Variants in FAM120A observed in about 807,000 individuals in gnomAD.
The protein encoded by FAM120A is family with sequence similarity 120 member A, also known as constitutive coactivator of PPAR-gamma-like protein 1.
Under a neutral mutation model 109.7 loss-of-function variants are expected in FAM120A, and 15 were observed. The ratio of observed to expected loss-of-function variants is 0.14; its 90% CI spans 0.09 to 0.21. The LOEUF (loss-of-function observed/expected upper bound fraction) is 0.21. Among genes scored for constraint, FAM120A ranks in the 10% least tolerant of loss-of-function variants. The pLI is 1.00. For missense variants in FAM120A, 899 were observed against 1,439.3 expected, an observed-to-expected ratio of 0.62 and a Z score of 6.07; for synonymous variants, 493 against 572.8, an observed-to-expected ratio of 0.86 and a Z score of 1.99.
chr9:93,521,252 G>GAAAATAGGC (rs1860833579), intron 7 of FAM120A, among the ~76,000 whole-genome samples: 1 of 152,202 alleles, frequency 6.6e-6, no homozygotes, highest in Admixed American at 6.5e-5. Flanking sequence ...TCCCTTGGAA[G>GAAAATAGGC]AAAATAGGCT....
At chr9:93,473,483 G>A (rs983086390) in intron 2 of FAM120A, among the ~76,000 whole-genome samples, 1 of 151,320 alleles carries the variant, frequency 6.6e-6, no homozygotes, top group African/African-American at 2.4e-5. Context: ...AGTTTTTTGT[G>A]TGTTTTTGGT....
intron 5 of FAM120A, among the ~76,000 whole-genome samples, chr9:93,505,108 T>G (rs1859983920): frequency 7.5e-6 from 1 of 133,334 alleles, no homozygotes; most frequent in African/African-American, 2.9e-5. Context: ...TCACCCAGGC[T>G]GGAGTGCAGT....
At chr9:93,559,437 C>T (rs1365885701) in intron 15 of FAM120A, among the ~76,000 whole-genome samples, 1 of 152,240 alleles carries the variant, frequency 6.6e-6, no homozygotes, top group African/African-American at 2.4e-5. Flanking sequence ...GCAAGCCTTT[C>T]TCTCTTGATC....
At chr9:93,509,832 C>G (rs1300713329) in intron 5 of FAM120A, among the ~76,000 whole-genome samples, 8 of 152,138 alleles carry the variant, frequency 5.3e-5, no homozygotes, top group African/African-American at 1.9e-4. Context: ...AAAAGAGATG[C>G]TTCAGGCTTT....
chr9:93,514,620 A>G (rs1860484153), intron 5 of FAM120A, among the ~76,000 whole-genome samples: 1 of 152,088 alleles, frequency 6.6e-6, no homozygotes, highest in Admixed American at 6.5e-5. Context: ...AGCTTGACAC[A>G]TCATAGGCCC....
chr9:93,452,677 G>A lies in FAM120A; in HGVS notation c.474+288G>A. The A allele has an allele frequency of 6.3e-7, 1 of 1,598,806 alleles. No individual in the cohort carries two copies. The highest frequency in any genetic ancestry group is 8.5e-7 in the Non-Finnish European group (1 of 1,179,914). The stretch of plus-strand genomic sequence containing the variant: ...CGGACCAGAATTCGGAGGCGACAGT[G>A]TCATCATCCCCAATATCCTTAGTTT... On this transcript the variant is annotated intron_variant, in intron 1 of 17. Transcript: ENST00000277165. This position sits in a 1 kb window ranked among gnomAD's most constrained non-coding sequence, Gnocchi z 7.0.
intron 1 of FAM120A, among the ~76,000 whole-genome samples, chr9:93,468,701 G>A (rs553367181): frequency 2.2e-4 from 33 of 152,270 alleles, no homozygotes; most frequent in African/African-American, 6.7e-4. Flanking sequence ...ACAGTACAGC[G>A]TAGTGGCTGT....
Position 93,452,715 on chromosome 9 carries a change from T to G in FAM120A, c.474+326T>G. ...ATATCCTTAGTTTTTCCCATCCTAT[T>G]TGAGGCGGGCAGGCTATCACTCACC... On this transcript the variant is annotated intron_variant, in intron 1 of 17. Coordinates refer to ENST00000277165, the MANE Select transcript of FAM120A (RefSeq NM_014612.5). This position sits in a 1 kb window ranked among gnomAD's most constrained non-coding sequence, Gnocchi z 7.0. 1 of 1,598,488 alleles carries G rather than the reference T, an allele frequency of 6.3e-7. No homozygotes were observed. The highest frequency in any genetic ancestry group is 8.5e-7 in the Non-Finnish European group (1 of 1,179,850).
At chr9:93,483,547 T>C (rs2131302278) in intron 3 of FAM120A, among the ~76,000 whole-genome samples, 1 of 152,248 alleles carries the variant, frequency 6.6e-6, no homozygotes, top group Non-Finnish European at 1.5e-5. Context: ...AATTCATTTT[T>C]ATTATAAAAA....
intron 10 of FAM120A, among the ~76,000 whole-genome samples, chr9:93,535,660 T>A (rs2131490531): frequency 6.6e-6 from 1 of 152,312 alleles, no homozygotes; most frequent in Admixed American, 6.5e-5. Context: ...ATTGAACTTG[T>A]TTCATGCGTT....
Position 93,451,702 on chromosome 9 carries a change from G to A in FAM120A, c.-214G>A. 1 of 982,320 alleles carries A rather than the reference G, an allele frequency of 1.0e-6. No individual in the cohort carries two copies. The highest frequency in any genetic ancestry group is 1.2e-6 in the Non-Finnish European group (1 of 830,642). 60.9% of individuals were successfully genotyped at this position (982,320 alleles called of 1,614,324 possible). ...GCCTCGGCCTCGGCCTCGCAGCGGC[G>A]GCAGCGGCGGCGGCGGCAGGTCCCT... On this transcript the variant is annotated 5_prime_UTR_variant, in exon 1 of 18. Transcript: ENST00000277165.
intron 10 of FAM120A, among the ~76,000 whole-genome samples, chr9:93,537,568 A>G (rs1007102528): frequency 6.6e-6 from 1 of 152,202 alleles, no homozygotes; most frequent in Non-Finnish European, 1.5e-5. Context: ...TGAAATAAAT[A>G]TGTGGAATGA....
In FAM120A at chr9:93,562,154, ATGT is replaced by A. The variant is rs1457459496; in HGVS notation, c.2949-50_2949-48del. 5.1e-6 allele frequency: 7 copies of A among 1,376,814 alleles called. No individual in the cohort carries two copies. In the Admixed American group the frequency reaches 1.0e-4, roughly 20 times the overall value. 85.3% of individuals were successfully genotyped at this position (1,376,814 alleles called of 1,614,324 possible). A position where few individuals can be genotyped will look rare whatever the true frequency, so the allele number is the denominator to read the frequency against. On this transcript the variant is annotated intron_variant, in intron 16 of 17. Coordinates refer to ENST00000277165, the MANE Select transcript of FAM120A (RefSeq NM_014612.5). Reference sequence around the variant, plus strand: ...TTAAAATCATTTGATACTATTTTAAATGTTGTCTGTAACAGATTTAAGTGTTTA... The same window carrying A: ...TTAAAATCATTTGATACTATTTTAAATGTCTGTAACAGATTTAAGTGTTTA...
intron 1 of FAM120A, among the ~76,000 whole-genome samples, chr9:93,466,973 G>A (rs2131240198): frequency 6.6e-6 from 1 of 152,242 alleles, no homozygotes; most frequent in South Asian, 2.1e-4. Flanking sequence ...TACTCAGGCA[G>A]TTCCTTTTCC....
rs201538694 is a variant in FAM120A at position 93,497,507 on chromosome 9, G to A, written c.841G>A (p.Val281Ile). 3.7e-5 allele frequency: 60 copies of A among 1,613,416 alleles called. No individual in the cohort carries two copies. The highest frequency in any genetic ancestry group is 4.5e-5 in the East Asian group (2 of 44,884). ...AHQLVLPPCD[V>I]VIKAVADYVR... ...CCAGCTGGTCTTGCCACCTTGCGAC[G>A]TAGTGATCAAAGCCGTTGCTGACTA... The change falls in exon 4 of 18, where the codon GTA (valine) becomes ATA (isoleucine). Residue 281 changes from valine (V) to isoleucine (I), a missense_variant. Transcript: ENST00000277165.
At chr9:93,558,222 C>T (rs372640902) in intron 14 of FAM120A, among the ~76,000 whole-genome samples, 51 of 152,296 alleles carry the variant, frequency 3.3e-4, no homozygotes, top group African/African-American at 1.0e-3. Flanking sequence ...AAAGCTGCAC[C>T]GTAAAATCTG....
chr9:93,523,230 G>A (rs1006980465), intron 7 of FAM120A: 1 of 980,582 alleles, frequency 1.0e-6, no homozygotes, highest in Non-Finnish European at 1.4e-6. Context: ...TGTGCCTGAT[G>A]TGCCTCTTTT....
intron 15 of FAM120A, among the ~76,000 whole-genome samples, chr9:93,559,770 G>A (rs566759617): frequency 6.6e-6 from 1 of 152,318 alleles, no homozygotes; most frequent in East Asian, 1.9e-4. Flanking sequence ...GGAGAGGGGA[G>A]ATTGTACTAT....
chr9:93,454,977 C>G (rs2131186518), intron 1 of FAM120A, among the ~76,000 whole-genome samples: 1 of 152,356 alleles, frequency 6.6e-6, no homozygotes, highest in South Asian at 2.1e-4. Context: ...CTCCAGAAAA[C>G]AGTGGCACTT....
Sources: gnomAD v4.1 joint callset for allele counts (sites outside exome capture counted in the v4.1 genomes callset) on GRCh38, gnomAD v4.1.1 for gene constraint, Gnocchi (gnomAD v3.1) non-coding constraint, MANE v1.5 for transcripts, NCBI Gene and HGNC (gene_info 2026-07-23, HGNC 2026-07-21) for gene names.